ZDHHC15: variants seen among roughly 807,000 people sequenced by gnomAD.
The protein encoded by ZDHHC15 is zDHHC palmitoyltransferase 15, also known as palmitoyltransferase ZDHHC15.
A neutral mutation model predicts 31.7 loss-of-function variants in ZDHHC15; 19 were observed. The observed-to-expected ratio is 0.60, with a 90% CI of 0.42 to 0.88. ZDHHC15 has a LOEUF of 0.88. ZDHHC15 is among the 40% of genes least tolerant of loss of function. The probability of loss-of-function intolerance (pLI) is 0.00; values close to 1 mark genes in which losing one functional copy is unlikely to be tolerated. For missense variants in ZDHHC15, 209 were observed against 251.2 expected, an observed-to-expected ratio of 0.83 and a Z score of 1.14; for synonymous variants, 103 against 90.0, an observed-to-expected ratio of 1.14 and a Z score of -0.82.
intron 10 of ZDHHC15, among the ~76,000 whole-genome samples, chrX:75,383,237 T>C (rs906448500): frequency 8.9e-6 from 1 of 112,470 alleles, no homozygotes; most frequent in African/African-American, 3.2e-5. Context: ...AAAGTGGTTA[T>C]ACCTGGCACA....
chrX:75,431,170 G>A (rs1012289234), intron 5 of ZDHHC15, among the ~76,000 whole-genome samples: 3 of 112,104 alleles, frequency 2.7e-5, no homozygotes, highest in African/African-American at 9.7e-5. Flanking sequence ...AAGGGAAACT[G>A]GGTGTGAGAC....
At chrX:75,493,132 C>A (rs1468231562) in intron 2 of ZDHHC15, among the ~76,000 whole-genome samples, 1 of 111,671 alleles carries the variant, frequency 9.0e-6, no homozygotes, top group East Asian at 2.8e-4. Context: ...ATACAAACTA[C>A]CATCAGAGAA....
chrX:75,465,185 T>A (rs930038600), intron 3 of ZDHHC15, among the ~76,000 whole-genome samples: 4 of 111,557 alleles, frequency 3.6e-5, no homozygotes, highest in African/African-American at 1.3e-4. Context: ...AACCAAATTA[T>A]AAATGAAATC....
chrX:75,461,324 G>A (rs1197391446), intron 3 of ZDHHC15, among the ~76,000 whole-genome samples: 1 of 111,667 alleles, frequency 9.0e-6, no homozygotes, highest in Non-Finnish European at 1.9e-5. Context: ...GTACCTGAAA[G>A]AGATGGCGTG....
At chrX:75,381,729 G>A (rs182665253) in intron 10 of ZDHHC15, among the ~76,000 whole-genome samples, 1 of 111,380 alleles carries the variant, frequency 9.0e-6, no homozygotes, top group African/African-American at 3.3e-5. Context: ...ATGCTTCAGT[G>A]TTCTTACCAC....
chrX:75,446,549 T>G (rs2084036868), intron 4 of ZDHHC15, among the ~76,000 whole-genome samples: 1 of 112,379 alleles, frequency 8.9e-6, no homozygotes, highest in South Asian at 3.7e-4. Flanking sequence ...AAGATATTTG[T>G]ATCTTGTGTG....
intron 1 of ZDHHC15, among the ~76,000 whole-genome samples, chrX:75,520,779 T>C (rs1215077130): frequency 3.6e-5 from 4 of 111,636 alleles, no homozygotes; most frequent in African/African-American, 9.8e-5. Context: ...CTTGTATCTA[T>C]GAAGGCAACT....
At chrX:75,398,423 C>A (rs1569310094) in intron 10 of ZDHHC15, among the ~76,000 whole-genome samples, 1 of 112,760 alleles carries the variant, frequency 8.9e-6, no homozygotes, top group East Asian at 2.8e-4. Context: ...CCCACCCAAT[C>A]TCTCCAACTG....
At chrX:75,495,244 C>T (rs1041770121) in intron 2 of ZDHHC15, among the ~76,000 whole-genome samples, 18 of 111,745 alleles carry the variant, frequency 1.6e-4, no homozygotes, top group African/African-American at 5.9e-4. Flanking sequence ...CTATCTCACA[C>T]CAGTTAGAAT....
chrX:75,491,079 G>T (rs1325697682), intron 2 of ZDHHC15, among the ~76,000 whole-genome samples: 1 of 111,247 alleles, frequency 9.0e-6, no homozygotes, highest in East Asian at 2.9e-4. Flanking sequence ...GATTCCTCAG[G>T]GATCTAGAAC....
chrX:75,383,902 C>T (rs1368607853), intron 10 of ZDHHC15, among the ~76,000 whole-genome samples: 1 of 95,818 alleles, frequency 1.0e-5, no homozygotes, highest in African/African-American at 3.8e-5. Flanking sequence ...CCACACCCAG[C>T]TAATTTTTTT....
intron 3 of ZDHHC15, among the ~76,000 whole-genome samples, chrX:75,468,331 C>T (rs1487174354): frequency 8.9e-6 from 1 of 111,791 alleles, no homozygotes; most frequent in Non-Finnish European, 1.9e-5. Flanking sequence ...AGGCATGAGC[C>T]ACGAGCCCAG....
chrX:75,448,838 T>C (rs950191983), intron 4 of ZDHHC15, among the ~76,000 whole-genome samples: 22 of 110,963 alleles, frequency 2.0e-4, no homozygotes, highest in African/African-American at 5.6e-4. Flanking sequence ...TTAAGTATTA[T>C]TTCTAGGTGT....
At chrX:75,428,319 TAAA>T (rs889133744) in intron 7 of ZDHHC15, among the ~76,000 whole-genome samples, 1 of 112,086 alleles carries the variant, frequency 8.9e-6, no homozygotes, top group Non-Finnish European at 1.9e-5. Context: ...CATATGTAAA[TAAA>T]AAAATCTGCC....
In ZDHHC15 at chrX:75,489,633, G is replaced by T. The variant is rs757900711; in HGVS notation, c.164-10648C>A. On this transcript the variant is annotated intron_variant, in intron 2 of 11. Coordinates refer to ENST00000373367, the MANE Select transcript of ZDHHC15 (RefSeq NM_144969.3). ...GACCAAAGGTAGATAAAACCACAAA[G>T]ATGGGGAAAAAACAGAGCAGAAAAA... 2.7e-5 allele frequency among the ~76,000 whole-genome samples: 3 copies of T among 111,740 alleles called. No homozygotes were observed. In the Admixed American group the frequency reaches 2.9e-4, roughly 11 times the overall value.
intron 10 of ZDHHC15, among the ~76,000 whole-genome samples, chrX:75,393,788 A>T (rs769870597): frequency 1.8e-5 from 2 of 111,619 alleles, no homozygotes; most frequent in Non-Finnish European, 3.8e-5. Flanking sequence ...TGAGTTTATT[A>T]AGTATTATAC....
chrX:75,404,354 A>G (rs1458219732), intron 10 of ZDHHC15, among the ~76,000 whole-genome samples: 1 of 112,346 alleles, frequency 8.9e-6, no homozygotes, highest in Admixed American at 9.5e-5. Context: ...AAGCAATCAC[A>G]ACAATAGCAA....
chrX:75,456,324 C>T (rs200809254), intron 3 of ZDHHC15, among the ~76,000 whole-genome samples: 14 of 82,748 alleles, frequency 1.7e-4, no homozygotes, highest in Non-Finnish European at 3.0e-4. Context: ...GGACACAGGG[C>T]GGGGTACATC....
chrX:75,429,429 T>C (rs2083751795), intron 6 of ZDHHC15, among the ~76,000 whole-genome samples: 1 of 111,664 alleles, frequency 9.0e-6, no homozygotes, highest in Non-Finnish European at 1.9e-5. Context: ...GCCTGCCTAA[T>C]AGCTCTGGAC....
Sources: gnomAD v4.1 joint callset for allele counts (sites outside exome capture counted in the v4.1 genomes callset) on GRCh38, gnomAD v4.1.1 for gene constraint, MANE v1.5 for transcripts, NCBI Gene and HGNC (gene_info 2026-07-23, HGNC 2026-07-21) for gene names.